NDRG4: variants seen among roughly 807,000 people sequenced by gnomAD.
NDRG4 encodes NDRG family member 4.
A neutral mutation model predicts 55.8 loss-of-function variants in NDRG4; 38 were observed. That is an observed-to-expected ratio of 0.68 (90% CI 0.53 to 0.89). The LOEUF (loss-of-function observed/expected upper bound fraction) is 0.89. Ranked by LOEUF, NDRG4 falls within the 40% of genes least tolerant of loss-of-function variation. The probability of loss-of-function intolerance (pLI) is 0.00; values close to 1 mark genes in which losing one functional copy is unlikely to be tolerated. For synonymous variants in NDRG4, 190 were observed against 182.7 expected, an observed-to-expected ratio of 1.04 and a Z score of -0.32; for missense variants, 455 against 468.6, an observed-to-expected ratio of 0.97 and a Z score of 0.27.
Position 58,508,006 on chromosome 16 carries a change from G to A in NDRG4, c.729+7G>A. On this transcript the variant is annotated splice_region_variant and intron_variant, in intron 10 of 14. Coordinates refer to ENST00000570248, the MANE Select transcript of NDRG4 (RefSeq NM_001242835.2). The stretch of plus-strand genomic sequence containing the variant: ...ACCCGCTGAGGACGGGGTGGTAAGT[G>A]AGGGGCTGTGGGCTCACTGGGGGTG... 1 of 1,556,594 alleles carries A rather than the reference G, an allele frequency of 6.4e-7. No individual in the cohort carries two copies. Among genetic ancestry groups the A allele is most frequent in the Non-Finnish European group, 8.7e-7 (1 of 1,146,816 alleles).
chr16:58,468,679 C>T (rs185121455), intron 1 of NDRG4, among the ~76,000 whole-genome samples: 4 of 152,278 alleles, frequency 2.6e-5, no homozygotes, highest in East Asian at 3.9e-4. Context: ...TGAGATTGCA[C>T]CACTGCCCTC....
Position 58,511,830 on chromosome 16 carries a change from C to T in NDRG4, c.*254C>T. The T allele has an allele frequency of 1.8e-6, 1 of 545,984 alleles. No homozygotes were observed. The highest frequency in any genetic ancestry group is 3.4e-6 in the Non-Finnish European group (1 of 294,400). 33.8% of individuals were successfully genotyped at this position (545,984 alleles called of 1,614,324 possible). On this transcript the variant is annotated 3_prime_UTR_variant, in exon 15 of 15. Coordinates refer to ENST00000570248, the MANE Select transcript of NDRG4 (RefSeq NM_001242835.2). Reference sequence around the variant, plus strand: ...CCCTCTCATCCCACTCCCGGCGGCCCAGGCACAGAAGGGCAGGGCCATAGG... The same window carrying T: ...CCCTCTCATCCCACTCCCGGCGGCCTAGGCACAGAAGGGCAGGGCCATAGG...
intron 3 of NDRG4, 21 bp downstream of exon 3, chr16:58,504,295 C>G (rs1219747596): frequency 6.2e-7 from 1 of 1,614,090 alleles, no homozygotes; most frequent in South Asian, 1.1e-5. Flanking sequence ...TGAGCCCCCT[C>G]TGCCTGTCTC....
chr16:58,511,649 A>C lies in NDRG4; in HGVS notation c.*73A>C. 6.3e-7 allele frequency: 1 copy of C among 1,593,560 alleles called. No individual in the cohort carries two copies. Among genetic ancestry groups the C allele is most frequent in the Non-Finnish European group, 8.6e-7 (1 of 1,163,094 alleles). The stretch of plus-strand genomic sequence containing the variant: ...CCTTGCGCCGGCTCATGTTCCCTTT[A>C]GTTTATTTTTGTGAGGGCAAAGGGG... On this transcript the variant is annotated 3_prime_UTR_variant, in exon 15 of 15. Transcript: ENST00000570248.
upstream of NDRG4, among the ~76,000 whole-genome samples, chr16:58,496,751 C>G (rs1413788785): frequency 2.0e-5 from 3 of 152,120 alleles, no homozygotes; most frequent in Admixed American, 2.0e-4. Context: ...CTCAGCTGAC[C>G]GTGACGAGTG....
At position 58,506,625 on chromosome 16, in the gene NDRG4, G is replaced by A. The variant is rs763618919; in HGVS notation, c.516+11G>A. 25 of 1,549,900 alleles carry A rather than the reference G, an allele frequency of 1.6e-5. No individual in the cohort carries two copies. Among genetic ancestry groups the A allele is most frequent in the East Asian group, 2.4e-5 (1 of 41,268 alleles). ...CACCTCTTCAGCCAGGTAAGGGGGG[G>A]AACTTCTGCAGATCTGGGGTGATCT... is the stretch of plus-strand genomic sequence containing the variant. On this transcript the variant is annotated intron_variant, in intron 7 of 14. Transcript: ENST00000570248.
chr16:58,505,711 T>C (rs1288689054), intron 5 of NDRG4, among the ~76,000 whole-genome samples: 11 of 121,492 alleles, frequency 9.1e-5, no homozygotes, highest in African/African-American at 3.3e-4. Flanking sequence ...GGGCTTCATT[T>C]TCTTTTTTTT....
At chr16:58,469,854 A>C (rs1458400799) in intron 1 of NDRG4, among the ~76,000 whole-genome samples, 1 of 152,238 alleles carries the variant, frequency 6.6e-6, no homozygotes, top group Non-Finnish European at 1.5e-5. Flanking sequence ...CTTCTTTTTT[A>C]CAAATAGGTA....
chr16:58,470,327 A>G (rs892915186), intron 1 of NDRG4, among the ~76,000 whole-genome samples: 67 of 152,336 alleles, frequency 4.4e-4, no homozygotes, highest in African/African-American at 1.6e-3. Context: ...GGAAAAGGCC[A>G]GGAGGAGGAG....
chr16:58,492,533 TGTGTGTGTGTGTGTGTGTGA>T (rs1192701105), intron 2 of NDRG4, among the ~76,000 whole-genome samples: 35 of 93,600 alleles, frequency 3.7e-4, no homozygotes, highest in South Asian at 8.9e-4. Context: ...TGTGTGTGTG[TGTGTGTGTGTGTGTGTGTGA>T]GAGACAGACA....
chr16:58,509,158 C>T lies in NDRG4; in HGVS notation c.782C>T (p.Ala261Val), dbSNP rs776788334. Reference protein sequence around the residue: ...DPTTTTFLKMADSGGLPQVTQ... With the variant: ...DPTTTTFLKMVDSGGLPQVTQ... ...ACCCCACTCTCTCCCTTGCAGATGG[C>T]AGACTCTGGAGGGCTGCCCCAGGTC... is the stretch of plus-strand genomic sequence containing the variant. The change falls in exon 12 of 15, where the codon GCA becomes GTA. Residue 261 changes from alanine to valine, a missense_variant. Transcript: ENST00000570248. 6.2e-7 allele frequency: 1 copy of T among 1,614,070 alleles called. No homozygotes were observed. Among genetic ancestry groups the T allele is most frequent in the South Asian group, 1.1e-5 (1 of 91,088 alleles).
chr16:58,503,966 C>T lies in NDRG4; in HGVS notation c.127+63C>T, dbSNP rs760170181. 9.4e-5 allele frequency: 147 copies of T among 1,570,958 alleles called. No individual in the cohort carries two copies. In the South Asian group the frequency reaches 1.3e-3, roughly 13 times the overall value. On this transcript the variant is annotated intron_variant, in intron 2 of 14. Coordinates refer to ENST00000570248, the MANE Select transcript of NDRG4 (RefSeq NM_001242835.2). ...TCCCATCAGCCAGAGCGGTGAGGCC[C>T]CCCACCCTCCCCACAGGGCCCTGTC...
intron 1 of NDRG4, among the ~76,000 whole-genome samples, chr16:58,480,098 T>C (rs2151627421): frequency 6.6e-6 from 1 of 152,250 alleles, no homozygotes; most frequent in South Asian, 2.1e-4. Flanking sequence ...GTGCAGAGGC[T>C]GCATCTGCCC....
intron 2 of NDRG4, among the ~76,000 whole-genome samples, chr16:58,489,659 C>T (rs1027113598): frequency 1.3e-5 from 2 of 152,018 alleles, no homozygotes; most frequent in African/African-American, 4.8e-5. Context: ...TTCTGTTTTG[C>T]ACCCCCAGGT....
Position 58,506,467 on chromosome 16 carries a change from C to T in NDRG4, c.453C>T (p.Ala151=). Residue 151 remains alanine, a synonymous_variant, in exon 6 of 15, where the codon GCC becomes GCT. Transcript: ENST00000570248. ...PNGKGWIDWA[A]TKLSGLTSTL... is the part of the protein sequence containing the mutation. ...GCAAAGGCTGGATAGACTGGGCTGC[C>T]ACCAAGGTGTGTGTGGTGACCGGGG... The T allele has an allele frequency of 6.2e-7, 1 of 1,610,892 alleles. No individual in the cohort carries two copies. The highest frequency in any genetic ancestry group is 8.5e-7 in the Non-Finnish European group (1 of 1,178,942).
chr16:58,503,991 C>G lies in NDRG4; in HGVS notation c.127+88C>G. 6.5e-6 allele frequency: 10 copies of G among 1,539,054 alleles called. No homozygotes were observed. Among genetic ancestry groups the G allele is most frequent in the Non-Finnish European group, 8.9e-6 (10 of 1,119,354 alleles). ...CCCCACCCTCCCCACAGGGCCCTGT[C>G]AGCCCCACTCACACTCACCTCTGTT... On this transcript the variant is annotated intron_variant, in intron 2 of 14. Coordinates refer to ENST00000570248, the MANE Select transcript of NDRG4 (RefSeq NM_001242835.2).
intron 5 of NDRG4, chr16:58,506,181 CAAT>C (rs769191937): frequency 2.0e-5 from 12 of 604,150 alleles, no homozygotes; most frequent in South Asian, 1.1e-4. Context: ...GGGGTGGAAA[CAAT>C]GATAGAGATT....
rs183421837 is a variant in NDRG4 at position 58,489,394 on chromosome 16, T to C, written c.72+1544T>C. ...CCAGCTCCCCCGCCTGTTCCCAGCTTACTTCTCTCTAGCCTCCTTGAACAT... is the reference window on the plus strand; with the variant it reads ...CCAGCTCCCCCGCCTGTTCCCAGCTCACTTCTCTCTAGCCTCCTTGAACAT... On this transcript the variant is annotated intron_variant, in intron 2 of 15. Coordinates refer to the NDRG4 transcript ENST00000258187. Among the ~76,000 whole-genome samples the C allele has an allele frequency of 2.4e-4, 36 of 151,990 alleles. 1 individual carries two copies. The highest frequency in any genetic ancestry group is 7.0e-4 in the African/African-American group (29 of 41,440).
At chr16:58,475,589 A>AT (rs1467688717) in intron 1 of NDRG4, 5 of 455,426 alleles carry the variant, frequency 1.1e-5, no homozygotes, top group East Asian at 6.9e-5. Flanking sequence ...AGATAAAAGT[A>AT]TTTTTTTCTC....
Sources: allele counts gnomAD v4.1 joint callset (sites outside exome capture counted in the v4.1 genomes callset), GRCh38; gene constraint gnomAD v4.1.1; transcripts MANE v1.5; gene names NCBI Gene and HGNC (gene_info 2026-07-23, HGNC 2026-07-21).